Variants in VWF observed in about 807,000 individuals in gnomAD.
The protein encoded by VWF is von Willebrand factor.
In VWF, 176 loss-of-function variants were observed where a neutral mutation model predicts 308.6. The ratio of observed to expected loss-of-function variants is 0.57; its 90% CI spans 0.50 to 0.65. The LOEUF is 0.65. VWF is among the 30% of genes least tolerant of loss of function. The probability of loss-of-function intolerance (pLI) is 0.00; values close to 1 mark genes in which losing one functional copy is unlikely to be tolerated. For synonymous variants in VWF, 1,385 were observed against 1,443.4 expected, an observed-to-expected ratio of 0.96 and a Z score of 0.92; for missense variants, 3,146 against 3,648.2, an observed-to-expected ratio of 0.86 and a Z score of 3.55.
Position 6,019,338 on chromosome 12 carries a change from G to A in VWF, c.4080C>T (p.Val1360=), listed in dbSNP as rs562489969. ...AGSQVASTSE[V]LKYTLFQIFS... ...AGATTTGGAACAGTGTGTATTTCAA[G>A]ACCTCGCTGGTGGAGGCCACCTGGC... is the stretch of plus-strand genomic sequence containing the variant. Residue 1360 remains valine (V), a synonymous_variant, in exon 28 of 52, where the codon GTC becomes GTT. Coordinates refer to ENST00000261405, the MANE Select transcript of VWF (RefSeq NM_000552.5). The surrounding 1 kb of genome is among the most constrained non-coding windows in gnomAD (Gnocchi z 5.8). 3.0e-5 allele frequency: 48 copies of A among 1,613,962 alleles called. No homozygotes were observed. The East Asian group carries it at 8.2e-4, about 28-fold the overall frequency.
Position 5,985,648 on chromosome 12 carries a change from G to A in VWF, c.6816C>T (p.Val2272=). The part of the protein sequence containing the change: ...GVQHQFLEAW[V]PDHQPCQICT... ...AGATCTGACAGGGCTGGTGGTCCGG[G>A]ACCCAGGCTTCCAGGAACTGAGGGC... Residue 2272 remains valine (V), a synonymous_variant, in exon 39 of 52, where the codon GTC becomes GTT. Transcript: ENST00000261405. The A allele has an allele frequency of 6.2e-7, 1 of 1,614,130 alleles. No individual in the cohort carries two copies. The highest frequency in any genetic ancestry group is 1.1e-5 in the South Asian group (1 of 91,092).
chr12:6,057,744 C>G, intron 14 of VWF, 105 bp downstream of exon 14: 1 of 1,354,988 alleles, frequency 7.4e-7, no homozygotes, highest in Non-Finnish European at 9.9e-7. Context: ...CCTCGCTCCC[C>G]GCCCCCGCCC....
Position 6,034,675 on chromosome 12 carries a change from C to T in VWF, c.2685+13G>A. 1.2e-6 allele frequency: 2 copies of T among 1,613,934 alleles called. No homozygotes were observed. Among genetic ancestry groups the T allele is most frequent in the Admixed American group, 1.7e-5 (1 of 60,016 alleles). On this transcript the variant is annotated intron_variant, in intron 20 of 51. Transcript: ENST00000261405. The stretch of plus-strand genomic sequence containing the variant: ...AAGAAACAGCACCCTCTCCCCATCT[C>T]CCCACCTCTCACCTGCACCAGAACG...
At chr12:5,976,367 A>T in intron 42 of VWF, 107 bp from the exon 43 acceptor site, 1 of 1,419,544 alleles carries the variant, frequency 7.0e-7, no homozygotes, top group South Asian at 1.2e-5. Flanking sequence ...ATGTGGCAAT[A>T]AATAAAACCA....
At chr12:5,977,340 A>G (rs938098747) in intron 42 of VWF, among the ~76,000 whole-genome samples, 1 of 152,246 alleles carries the variant, frequency 6.6e-6, no homozygotes, top group Non-Finnish European at 1.5e-5. Context: ...ATGTCCACCA[A>G]TAAGGGACTT....
At chr12:6,104,041 G>C (rs1188782309) in intron 5 of VWF, among the ~76,000 whole-genome samples, 1 of 152,088 alleles carries the variant, frequency 6.6e-6, no homozygotes, top group Non-Finnish European at 1.5e-5. Flanking sequence ...CTAGTATCCA[G>C]AATACACAAG....
At chr12:6,079,329 A>C (rs113201612) in intron 6 of VWF, among the ~76,000 whole-genome samples, 1 of 152,200 alleles carries the variant, frequency 6.6e-6, no homozygotes, top group Non-Finnish European at 1.5e-5. Context: ...TCCAAGGGCC[A>C]GGCGCGGTGG....
chr12:5,953,630 C>T (rs371921141), intron 47 of VWF, 36 bp from the exon 48 acceptor site: 108 of 1,566,356 alleles, frequency 6.9e-5, no homozygotes, highest in Non-Finnish European at 8.9e-5. Context: ...CCATAGTTAA[C>T]CTCCTTAAAA....
At position 6,004,318 on chromosome 12, in the gene VWF, A is replaced by C. The variant is rs376650996; in HGVS notation, c.5842+7299T>G. On this transcript the variant is annotated intron_variant, in intron 34 of 51. Transcript: ENST00000261405. The stretch of plus-strand genomic sequence containing the variant: ...CCATATCAATATATTTAAAGAAAAA[A>C]AATCAAGAGATTATCTCCATAGATG... Among the ~76,000 whole-genome samples the C allele has an allele frequency of 5.9e-5, 9 of 152,288 alleles. No homozygotes were observed. The East Asian group carries it at 1.7e-3, about 29-fold the overall frequency.
At chr12:6,070,979 T>C (rs1944772815) in intron 10 of VWF, among the ~76,000 whole-genome samples, 1 of 152,264 alleles carries the variant, frequency 6.6e-6, no homozygotes, top group Admixed American at 6.5e-5. Context: ...CTTTGTTTAG[T>C]CAATCATGAC....
rs761643822 is a variant in VWF at position 6,025,594 on chromosome 12, C to T, written c.3208G>A (p.Asp1070Asn). The T allele has an allele frequency of 1.4e-6, 2 of 1,477,342 alleles. No individual in the cohort carries two copies. Among genetic ancestry groups the T allele is most frequent in the East Asian group, 2.2e-5 (1 of 44,514 alleles). 91.5% of individuals were successfully genotyped at this position (1,477,342 alleles called of 1,614,324 possible). A position where few individuals can be genotyped will look rare whatever the true frequency, so the allele number is the denominator to read the frequency against. Residue 1070 changes from aspartate to asparagine, a missense_variant, in exon 24 of 52, where the codon GAC becomes AAC. By Grantham distance (23) the Asp-to-Asn change is conservative (BLOSUM62 1). Around this residue, in one of 3 missense-constraint regions of VWF, gnomAD observed 853 missense variants for 1,177.8 expected, o/e 0.72. Transcript: ENST00000261405. ...CRILTSDVFQ[D>N]CNKLVDPEPY... Reference sequence around the variant, plus strand: ...AAGGTCCTCACCAGCTTGTTGCAGTCCTGGAAGACGTCACTGGTAAGGATT... The same window carrying T: ...AAGGTCCTCACCAGCTTGTTGCAGTTCTGGAAGACGTCACTGGTAAGGATT...
At chr12:6,033,985 G>A (rs1224195405) in intron 20 of VWF, among the ~76,000 whole-genome samples, 1 of 152,242 alleles carries the variant, frequency 6.6e-6, no homozygotes, top group African/African-American at 2.4e-5. Flanking sequence ...CACAGTTGAT[G>A]TCAACCAGAA....
intron 16 of VWF, among the ~76,000 whole-genome samples, chr12:6,049,579 A>C (rs753421283): frequency 3.3e-5 from 5 of 152,200 alleles, no homozygotes; most frequent in Non-Finnish European, 7.3e-5. Context: ...GTCTATTCTC[A>C]CTGTAATAAG....
intron 17 of VWF, 64 bp from the exon 18 acceptor site, chr12:6,044,515 G>A (rs1361242409): frequency 1.3e-6 from 2 of 1,562,046 alleles, no homozygotes; most frequent in East Asian, 2.3e-5. Flanking sequence ...CTTCCACACT[G>A]TCCTTTGGTC....
intron 46 of VWF, 63 bp from the exon 47 acceptor site, chr12:5,967,665 C>G: frequency 2.8e-6 from 4 of 1,449,772 alleles, no homozygotes; most frequent in Non-Finnish European, 3.8e-6. Flanking sequence ...TCACCTCACT[C>G]TCATACCCTG....
chr12:6,063,215 C>G lies in VWF; in HGVS notation c.1433-161G>C, dbSNP rs1944675222. Among the ~76,000 whole-genome samples the G allele has an allele frequency of 6.6e-6, 1 of 152,066 alleles. No individual in the cohort carries two copies. Among genetic ancestry groups the G allele is most frequent in the East Asian group, 1.9e-4 (1 of 5,184 alleles). On this transcript the variant is annotated intron_variant, in intron 12 of 51. Transcript: ENST00000261405. This position sits in a 1 kb window ranked among gnomAD's most constrained non-coding sequence, Gnocchi z 4.9. Reference sequence around the variant, plus strand: ...GTGGCCATGAGGTTTAAGGGGGTGTCAGGAGGAAGGGTGATCAAGGTGGAC... The same window carrying G: ...GTGGCCATGAGGTTTAAGGGGGTGTGAGGAGGAAGGGTGATCAAGGTGGAC...
intron 37 of VWF, among the ~76,000 whole-genome samples, chr12:5,993,386 C>A (rs1458440147): frequency 6.6e-6 from 1 of 152,120 alleles, no homozygotes; most frequent in African/African-American, 2.4e-5. Context: ...CTCTTGGCAA[C>A]CAATGATTCT....
chr12:6,092,614 T>TGAGTGAGAGA (rs71064187), intron 6 of VWF, among the ~76,000 whole-genome samples: 5,888 of 85,864 alleles, frequency 0.069, 331 homozygotes, highest in East Asian at 0.11. Flanking sequence ...AGTGAGTGAG[T>TGAGTGAGAGA]GAGAGTGTGT....
Position 6,057,913 on chromosome 12 carries a change from C to A in VWF, c.1665G>T (p.Leu555=), listed in dbSNP as rs1451744557. 6.2e-7 allele frequency: 1 copy of A among 1,613,294 alleles called. No homozygotes were observed. The highest frequency in any genetic ancestry group is 8.5e-7 in the Non-Finnish European group (1 of 1,179,714). ...TCTGCAGGTCCTGGCAGTCCCCGTG[C>A]AGCTTCCAGGCGTTCCCGAAGTCCT... ...RVEDFGNAWK[L]HGDCQDLQKQ... is the part of the protein sequence containing the mutation. Residue 555 remains leucine, a synonymous_variant, in exon 14 of 52, where the codon CTG becomes CTT. Transcript: ENST00000261405.
Sources: allele counts gnomAD v4.1 joint callset (sites outside exome capture counted in the v4.1 genomes callset), GRCh38; gene constraint gnomAD v4.1.1; regional missense constraint gnomAD v4.1.1; non-coding constraint Gnocchi (gnomAD v3.1); transcripts MANE v1.5; gene names NCBI Gene and HGNC (gene_info 2026-07-23, HGNC 2026-07-21).